The following ABCF2 variants were observed in gnomAD, a reference collection of about 807,000 sequenced individuals.
ABCF2 encodes the protein ATP binding cassette subfamily F member 2.
A neutral mutation model predicts 76.9 loss-of-function variants in ABCF2; 37 were observed. The observed-to-expected ratio is 0.48, with a 90% CI of 0.37 to 0.63. The LOEUF is 0.63. Among genes scored for constraint, ABCF2 ranks in the 30% least tolerant of loss-of-function variants. The pLI is 0.00. For missense variants in ABCF2, 524 were observed against 782.1 expected, an observed-to-expected ratio of 0.67 and a Z score of 3.94; for synonymous variants, 299 against 283.7, an observed-to-expected ratio of 1.05 and a Z score of -0.54.
intron 5 of ABCF2, among the ~76,000 whole-genome samples, chr7:151,223,113 C>G (rs1314998951): frequency 1.3e-5 from 2 of 152,090 alleles, no homozygotes; most frequent in Non-Finnish European, 2.9e-5. Flanking sequence ...GCATGTGGAA[C>G]CACTGTGCTT....
At chr7:151,224,316 T>C (rs1318850417) in intron 3 of ABCF2, among the ~76,000 whole-genome samples, 8 of 152,098 alleles carry the variant, frequency 5.3e-5, no homozygotes, top group Non-Finnish European at 8.8e-5. Context: ...CCCCACCCCT[T>C]ATCTGAAGCT....
chr7:151,211,800 C>T lies in ABCF2; in HGVS notation c.*2254G>A. 1.0e-6 allele frequency: 1 copy of T among 985,294 alleles called. No individual in the cohort carries two copies. The highest frequency in any genetic ancestry group is 1.2e-6 in the Non-Finnish European group (1 of 829,898). 61.0% of individuals were successfully genotyped at this position (985,294 alleles called of 1,614,324 possible). A position where few individuals can be genotyped will look rare whatever the true frequency, so the allele number is the denominator to read the frequency against. ...CTAACCTGGGCCATTTTGCTCCAGG[C>T]CCCACTTAAGGCATAAAGCAGTCAA... is the stretch of plus-strand genomic sequence containing the variant. On this transcript the variant is annotated 3_prime_UTR_variant, in exon 15 of 15. Coordinates refer to ENST00000287844, the MANE Select transcript of ABCF2 (RefSeq NM_007189.3).
At chr7:151,216,803 G>A (rs890126631) in intron 11 of ABCF2, among the ~76,000 whole-genome samples, 16 of 152,188 alleles carry the variant, frequency 1.1e-4, no homozygotes, top group African/African-American at 3.4e-4. Flanking sequence ...TGTGAGCCAC[G>A]GCACCTGGCC....
rs1802046011 is a variant in ABCF2, at chr7:151,211,606, T to C, written c.*2448A>G. The C allele has an allele frequency of 1.0e-6, 1 of 984,608 alleles. No homozygotes were observed. Among genetic ancestry groups the C allele is most frequent in the Admixed American group, 6.1e-5 (1 of 16,262 alleles). The allele number at this position is 984,608 out of a possible 1,614,324, so 61.0% of individuals were successfully genotyped here. On this transcript the variant is annotated 3_prime_UTR_variant, in exon 15 of 15. Coordinates refer to ENST00000287844, the MANE Select transcript of ABCF2 (RefSeq NM_007189.3). ...ATTCCTCCAGGTTCTGAAGATCTCCTGTCCTAGTATGGAGACTCTGGAGAT... is the reference window on the plus strand; with the variant it reads ...ATTCCTCCAGGTTCTGAAGATCTCCCGTCCTAGTATGGAGACTCTGGAGAT...
In ABCF2 at chr7:151,221,615, A is replaced by G; in HGVS notation, c.884T>C (p.Ile295Thr). ...CAGTTTCTTGTTGTGCATGTGAATG[A>G]TATTGGTACAGACACCATTCAGAAA... ...QDFLNGVCTN[I>T]IHMHNKKLKY... The change falls in exon 7 of 15, where the codon ATC becomes ACC. Residue 295 changes from isoleucine (I) to threonine (T), a missense_variant. Around this residue, in one of 2 missense-constraint regions of ABCF2, gnomAD observed 330 missense variants for 433.6 expected, o/e 0.76. Coordinates refer to ENST00000287844, the MANE Select transcript of ABCF2 (RefSeq NM_007189.3). The G allele has an allele frequency of 6.2e-7, 1 of 1,611,168 alleles. No individual in the cohort carries two copies. Among genetic ancestry groups the G allele is most frequent in the Non-Finnish European group, 8.5e-7 (1 of 1,177,486 alleles).
chr7:151,217,471 C>G (rs181366517), intron 11 of ABCF2, among the ~76,000 whole-genome samples: 1 of 152,318 alleles, frequency 6.6e-6, no homozygotes, highest in Non-Finnish European at 1.5e-5. Context: ...TCCCTAAATG[C>G]ACAGATGTTC....
chr7:151,219,961 T>C (rs1802233519), intron 7 of ABCF2, among the ~76,000 whole-genome samples: 1 of 152,096 alleles, frequency 6.6e-6, no homozygotes, highest in Admixed American at 6.5e-5. Flanking sequence ...TAGCTGGGTA[T>C]GGTGGCATGT....
chr7:151,215,764 A>C lies in ABCF2; in HGVS notation c.1402-32T>G. 6.2e-7 allele frequency: 1 copy of C among 1,613,980 alleles called. No individual in the cohort carries two copies. The highest frequency in any genetic ancestry group is 1.6e-4 in the Middle Eastern group (1 of 6,062). ...GAAAAATGGAAGCCACCCGGGTGTG[A>C]CTGGCATCCCGCTTCAAAATAAACC... On this transcript the variant is annotated intron_variant, in intron 12 of 14. Coordinates refer to ENST00000287844, the MANE Select transcript of ABCF2 (RefSeq NM_007189.3). The surrounding 1 kb of genome is among the most constrained non-coding windows in gnomAD (Gnocchi z 4.6).
rs539780376 is a variant in ABCF2, at chr7:151,211,551, C to T, written c.*2503G>A. ...TTAAATTACCAAGGTTGACATTTTT[C>T]TTGACAAATAAGCTGACTAGACTAT... is the stretch of plus-strand genomic sequence containing the variant. On this transcript the variant is annotated 3_prime_UTR_variant, in exon 15 of 15. Coordinates refer to ENST00000287844, the MANE Select transcript of ABCF2 (RefSeq NM_007189.3). The T allele has an allele frequency of 2.9e-5, 29 of 985,354 alleles. No homozygotes were observed. The South Asian group carries it at 1.1e-3, about 37-fold the overall frequency. The allele number at this position is 985,354 out of a possible 1,614,324, so 61.0% of individuals were successfully genotyped here.
chr7:151,214,802 A>G lies in ABCF2; in HGVS notation c.1734+77T>C. ...TTAATTCAGTAGGCGGGTATTATGC[A>G]CCCTCCACATGCCATGACTACCCTA... On this transcript the variant is annotated intron_variant, in intron 14 of 14. Transcript: ENST00000287844. This position sits in a 1 kb window ranked among gnomAD's most constrained non-coding sequence, Gnocchi z 4.9. 2 of 1,407,222 alleles carry G rather than the reference A, an allele frequency of 1.4e-6. No individual in the cohort carries two copies. Among genetic ancestry groups the G allele is most frequent in the South Asian group, 2.3e-5 (2 of 85,136 alleles). The allele number at this position is 1,407,222 out of a possible 1,614,324, so 87.2% of individuals were successfully genotyped here. A position where few individuals can be genotyped will look rare whatever the true frequency, so the allele number is the denominator to read the frequency against.
intron 7 of ABCF2, 78 bp downstream of exon 7, chr7:151,221,500 C>CTTT: frequency 7.7e-5 from 63 of 816,486 alleles, no homozygotes; most frequent in South Asian, 1.0e-4. Context: ...CCACACCAGC[C>CTTT]TTTTTTTTTT....
intron 10 of ABCF2, 72 bp downstream of exon 10, chr7:151,218,489 A>G (rs1007542301): frequency 1.5e-6 from 2 of 1,354,840 alleles, no homozygotes; most frequent in African/African-American, 2.9e-5. Context: ...AGCACAGAAC[A>G]GGAGCAACTC....
chr7:151,215,662 T>G lies in ABCF2; in HGVS notation c.1472A>C (p.Lys491Thr). 4 of 1,614,196 alleles carry G rather than the reference T, an allele frequency of 2.5e-6. No individual in the cohort carries two copies. Among genetic ancestry groups the G allele is most frequent in the Non-Finnish European group, 3.4e-6 (4 of 1,180,044 alleles). The change falls in exon 13 of 15, where the codon AAG becomes ACG. Residue 491 changes from lysine to threonine, a missense_variant. Lys to Thr is a moderately conservative substitution (Grantham distance 78). Transcript: ENST00000287844. The surrounding 1 kb of genome is among the most constrained non-coding windows in gnomAD (Gnocchi z 4.6). ...GATCTTCCTCATTTCTTCCTTCTCC[T>G]TGATCTCTGGGTAGCACTTCATCAT... The part of the protein sequence containing the change: ...EYMMKCYPEI[K>T]EKEEMRKIIG...
intron 1 of ABCF2, chr7:151,226,769 G>T (rs1371971036): frequency 3.9e-6 from 1 of 253,208 alleles, no homozygotes; most frequent in Non-Finnish European, 7.5e-6. Context: ...AGGGCCTCCG[G>T]CTGGGGACCA....
chr7:151,225,140 A>G, intron 2 of ABCF2, 152 bp from the exon 3 acceptor site: 1 of 713,884 alleles, frequency 1.4e-6, no homozygotes, highest in Non-Finnish European at 2.4e-6. Flanking sequence ...AGCTGCCCCG[A>G]CACCCTGCTT....
At chr7:151,216,894 A>G (rs967155946) in intron 11 of ABCF2, among the ~76,000 whole-genome samples, 3 of 152,220 alleles carry the variant, frequency 2.0e-5, no homozygotes, top group Non-Finnish European at 2.9e-5. Context: ...AATAAAAACA[A>G]GGTAAGATAT....
chr7:151,219,034 G>A (rs756207417), intron 8 of ABCF2, 30 bp downstream of exon 8: 3 of 1,511,610 alleles, frequency 2.0e-6, no homozygotes, highest in Non-Finnish European at 2.8e-6. Context: ...CAGACAGGAG[G>A]CCATGAGCCT....
At position 151,214,196 on chromosome 7, in the gene ABCF2, A is replaced by G. The variant is rs1346586789; in HGVS notation, c.1735-5T>C. On this transcript the variant is annotated splice_region_variant and splice_polypyrimidine_tract_variant and intron_variant, in intron 14 of 14. Coordinates refer to ENST00000287844, the MANE Select transcript of ABCF2 (RefSeq NM_007189.3). The surrounding 1 kb of genome is among the most constrained non-coding windows in gnomAD (Gnocchi z 4.9). Reference sequence around the variant, plus strand: ...GACCCAAATTTCCTGTGCAACCTAGAAAGCAAAACCTGGACTTAATCCTGG... The same window carrying G: ...GACCCAAATTTCCTGTGCAACCTAGGAAGCAAAACCTGGACTTAATCCTGG... 2 of 1,614,100 alleles carry G rather than the reference A, an allele frequency of 1.2e-6. No individual in the cohort carries two copies. Among genetic ancestry groups the G allele is most frequent in the South Asian group, 1.1e-5 (1 of 91,070 alleles).
Position 151,211,954 on chromosome 7 carries a change from TCAA to T in ABCF2, c.*2097_*2099del. On this transcript the variant is annotated 3_prime_UTR_variant, in exon 15 of 15. Coordinates refer to ENST00000287844, the MANE Select transcript of ABCF2 (RefSeq NM_007189.3). ...CATCTGAGAAGATCCTACTCATTTT[TCAA>T]GTGAGAGCACACCAATTCCACCTTT... The T allele has an allele frequency of 2.2e-5, 22 of 985,282 alleles. No individual in the cohort carries two copies. The highest frequency in any genetic ancestry group is 2.7e-5 in the Non-Finnish European group (22 of 829,774). 61.0% of individuals were successfully genotyped at this position (985,282 alleles called of 1,614,324 possible).
Sources: allele counts gnomAD v4.1 joint callset (sites outside exome capture counted in the v4.1 genomes callset), GRCh38; gene constraint gnomAD v4.1.1; regional missense constraint gnomAD v4.1.1; non-coding constraint Gnocchi (gnomAD v3.1); transcripts MANE v1.5; gene names NCBI Gene and HGNC (gene_info 2026-07-23, HGNC 2026-07-21).